The following PGM2L1 variants were observed in gnomAD, a reference collection of about 807,000 sequenced individuals.
PGM2L1 encodes the protein phosphoglucomutase 2 like 1.
In PGM2L1, 35 loss-of-function variants were observed where a neutral mutation model predicts 73.4. The observed-to-expected ratio is 0.48, with a 90% confidence interval of 0.36 to 0.63. The LOEUF (loss-of-function observed/expected upper bound fraction) is 0.63. PGM2L1 is among the 30% of genes least tolerant of loss of function. The pLI is 0.00. For synonymous variants in PGM2L1, 225 were observed against 253.8 expected (o/e 0.89, Z 1.08); for missense variants, 570 against 742.0 (o/e 0.77, Z 2.69).
At chr11:74,381,850 A>G (rs1306680642) in intron 1 of PGM2L1, among the ~76,000 whole-genome samples, 1 of 152,050 alleles carries the variant, frequency 6.6e-6, no homozygotes, top group African/African-American at 2.4e-5. Context: ...GTTCAGTATT[A>G]GACTTACTGA....
At chr11:74,355,763 C>T in intron 5 of PGM2L1, 1 of 471,726 alleles carries the variant, frequency 2.1e-6, no homozygotes, top group Non-Finnish European at 4.2e-6. Context: ...GAGAGGAGAG[C>T]CAGAGAAGTG....
chr11:74,351,403 C>G lies in PGM2L1; in HGVS notation c.729G>C (p.Leu243=), dbSNP rs1862350641. The G allele has an allele frequency of 6.2e-7, 1 of 1,612,292 alleles. No individual in the cohort carries two copies. Among genetic ancestry groups the G allele is most frequent in the African/African-American group, 1.3e-5 (1 of 74,772 alleles). ...GATACCTGTAAAAACAGATCTTTTT[C>G]AGATCTTCCATGTATCTCCTGCAAA... ...QDICRRYMED[L]KKICFYRELN... The change falls in exon 6 of 14, where the codon CTG becomes CTC. Residue 243 remains leucine, a synonymous_variant. Transcript: ENST00000298198.
Position 74,371,771 on chromosome 11 carries a change from C to T in PGM2L1, c.326G>A (p.Arg109Lys). The T allele has an allele frequency of 3.1e-6, 5 of 1,613,988 alleles. No individual in the cohort carries two copies. The highest frequency in any genetic ancestry group is 4.2e-6 in the Non-Finnish European group (5 of 1,179,908). Reference sequence around the variant, plus strand: ...AGTGTCATACCCAACCACAAAGCCTCTCTGCTTGAAGTCTGAGAAACATCT... The same window carrying T: ...AGTGTCATACCCAACCACAAAGCCTTTCTGCTTGAAGTCTGAGAAACATCT... ...LERCFSDFKQ[R>K]GFVVGYDTRG... The change falls in exon 3 of 14, where the codon AGA (arginine) becomes AAA (lysine). Residue 109 changes from arginine to lysine, a missense_variant. Coordinates refer to ENST00000298198, the MANE Select transcript of PGM2L1 (RefSeq NM_173582.6).
chr11:74,377,158 G>T (rs1385637719), intron 1 of PGM2L1, among the ~76,000 whole-genome samples: 2 of 145,278 alleles, frequency 1.4e-5, no homozygotes, highest in East Asian at 2.0e-4. Context: ...TTTTTGAGAC[G>T]GAGTCTCGCT....
chr11:74,337,816 T>G (rs1451136368), intron 13 of PGM2L1, among the ~76,000 whole-genome samples: 1 of 152,202 alleles, frequency 6.6e-6, no homozygotes, highest in African/African-American at 2.4e-5. Flanking sequence ...TCCCAAATGA[T>G]GTAGCTGCTT....
intron 12 of PGM2L1, among the ~76,000 whole-genome samples, chr11:74,340,917 A>G (rs1565434073): frequency 4.6e-5 from 7 of 152,208 alleles, no homozygotes; most frequent in Admixed American, 4.6e-4. Context: ...CAACTGGACC[A>G]AAAATGCAGA....
intron 5 of PGM2L1, among the ~76,000 whole-genome samples, chr11:74,352,316 A>G (rs1457699913): frequency 6.6e-6 from 1 of 152,164 alleles, no homozygotes; most frequent in East Asian, 1.9e-4. Flanking sequence ...TAAAGTAGTT[A>G]TGTGATATAG....
At chr11:74,375,127 C>A (rs1004280565) in intron 1 of PGM2L1, among the ~76,000 whole-genome samples, 4 of 152,210 alleles carry the variant, frequency 2.6e-5, no homozygotes, top group Admixed American at 2.0e-4. Context: ...AAAATGAATT[C>A]TACTCCTTAA....
chr11:74,377,695 T>C (rs1862877980), intron 1 of PGM2L1, among the ~76,000 whole-genome samples: 1 of 152,198 alleles, frequency 6.6e-6, no homozygotes, highest in East Asian at 1.9e-4. Context: ...TTTATGTATA[T>C]ATCACTTTTT....
chr11:74,343,284 A>G (rs749887670), intron 10 of PGM2L1, 39 bp downstream of exon 10: 1 of 1,535,434 alleles, frequency 6.5e-7, no homozygotes, highest in Non-Finnish European at 8.7e-7. Context: ...TTTAAAAATT[A>G]TCAATCAAAT....
At chr11:74,378,083 C>A (rs1862883499) in intron 1 of PGM2L1, among the ~76,000 whole-genome samples, 1 of 152,112 alleles carries the variant, frequency 6.6e-6, no homozygotes, top group Admixed American at 6.5e-5. Flanking sequence ...GGGCGGATCA[C>A]CTGAGGTCAG....
chr11:74,353,399 G>A (rs1477879719), intron 5 of PGM2L1, among the ~76,000 whole-genome samples: 5 of 151,290 alleles, frequency 3.3e-5, no homozygotes, highest in South Asian at 2.1e-4. Context: ...GATTTGGCAG[G>A]GTCATAGGAC....
chr11:74,383,504 T>C (rs1862976513), intron 1 of PGM2L1, among the ~76,000 whole-genome samples: 1 of 152,062 alleles, frequency 6.6e-6, no homozygotes. Flanking sequence ...GTTACATAGG[T>C]AAATGTGTGC....
chr11:74,385,136 T>C (rs1863001347), intron 1 of PGM2L1, among the ~76,000 whole-genome samples: 1 of 152,206 alleles, frequency 6.6e-6, no homozygotes, highest in South Asian at 2.1e-4. Context: ...AAATCTATAT[T>C]TTGTCTGTTT....
Position 74,347,195 on chromosome 11 carries a change from A to G in PGM2L1, c.892T>C (p.Phe298Leu). Residue 298 changes from phenylalanine to leucine, a missense_variant, in exon 7 of 14, where the codon TTT (phenylalanine) becomes CTT (leucine). Phe to Leu is a conservative substitution (Grantham distance 22). Transcript: ENST00000298198. ...GGATTTGGACATTTAACGGTAGAAAAGTCTGGATCAGGATCTTTTTGTTCT... is the reference window on the plus strand; with the variant it reads ...GGATTTGGACATTTAACGGTAGAAAGGTCTGGATCAGGATCTTTTTGTTCT... ...VPEQKDPDPD[F>L]STVKCPNPEE... 6.2e-7 allele frequency: 1 copy of G among 1,606,080 alleles called. No homozygotes were observed. Among genetic ancestry groups the G allele is most frequent in the South Asian group, 1.1e-5 (1 of 88,328 alleles).
intron 1 of PGM2L1, among the ~76,000 whole-genome samples, chr11:74,396,926 GCTAA>G (rs1863185601): frequency 1.3e-5 from 2 of 152,200 alleles, no homozygotes; most frequent in Non-Finnish European, 2.9e-5. Flanking sequence ...TTCCTCATCT[GCTAA>G]CTGAGGCTTG....
intron 3 of PGM2L1, 26 bp downstream of exon 3, chr11:74,371,685 A>T: frequency 6.4e-6 from 10 of 1,573,404 alleles, no homozygotes; most frequent in Non-Finnish European, 8.7e-6. Flanking sequence ...ATTTCAACTT[A>T]ATCTTTGAAA....
intron 4 of PGM2L1, among the ~76,000 whole-genome samples, chr11:74,369,246 C>T (rs1862712605): frequency 6.6e-6 from 1 of 152,142 alleles, no homozygotes; most frequent in South Asian, 2.1e-4. Context: ...GGCTCTATTG[C>T]CTCCTTTTCT....
chr11:74,360,163 G>A (rs1043160711), intron 5 of PGM2L1, among the ~76,000 whole-genome samples: 2 of 152,076 alleles, frequency 1.3e-5, no homozygotes, highest in South Asian at 2.1e-4. Flanking sequence ...CTGGAAGGTT[G>A]AAGCTGCAGT....
Sources: gnomAD v4.1 joint callset for allele counts (sites outside exome capture counted in the v4.1 genomes callset) on GRCh38, gnomAD v4.1.1 for gene constraint, MANE v1.5 for transcripts, NCBI Gene and HGNC (gene_info 2026-07-23, HGNC 2026-07-21) for gene names.